The following RFFL variants were observed in gnomAD, a reference collection of about 807,000 sequenced individuals.
RFFL encodes the protein E3 ubiquitin-protein ligase rififylin.
A neutral mutation model predicts 40.4 loss-of-function variants in RFFL; 16 were observed. The ratio of observed to expected loss-of-function variants is 0.40; its 90% CI spans 0.27 to 0.60. The LOEUF (loss-of-function observed/expected upper bound fraction) is 0.60. RFFL is among the 20% of genes least tolerant of loss of function. RFFL has a pLI of 0.47. For missense variants in RFFL, 367 were observed against 451.7 expected, an observed-to-expected ratio of 0.81 and a Z score of 1.70; for synonymous variants, 154 against 167.9, an observed-to-expected ratio of 0.92 and a Z score of 0.64.
chr17:35,052,468 A>G (rs2091237229), intron 1 of RFFL, among the ~76,000 whole-genome samples: 1 of 152,188 alleles, frequency 6.6e-6, no homozygotes, highest in Non-Finnish European at 1.5e-5. Flanking sequence ...AGTGACTGCT[A>G]ATGAGGAGAG....
intron 1 of RFFL, among the ~76,000 whole-genome samples, chr17:35,083,739 C>T (rs2091414787): frequency 6.6e-6 from 1 of 150,772 alleles, no homozygotes; most frequent in Non-Finnish European, 1.5e-5. Context: ...CAAGATCACA[C>T]CACTGCACTC....
Position 35,010,709 on chromosome 17 carries a change from A to T in RFFL, c.*1259T>A, listed in dbSNP as rs573655084. 4 of 149,264 alleles carry T rather than the reference A, an allele frequency of 2.7e-5. No homozygotes were observed. Among genetic ancestry groups the T allele is most frequent in the Non-Finnish European group, 5.9e-5 (4 of 67,780 alleles). The allele number at this position is 149,264 out of a possible 1,614,324, so 9.2% of individuals were successfully genotyped here. On this transcript the variant is annotated 3_prime_UTR_variant, in exon 7 of 7. Coordinates refer to ENST00000394597, the MANE Select transcript of RFFL (RefSeq NM_001017368.2). ...GGAGGTTGCAGTAAGCCAAGACTGT[A>T]CCACTGCACTCCAGCCTGGGCAACA...
chr17:35,076,418 T>C (rs1416143279), intron 1 of RFFL, among the ~76,000 whole-genome samples: 1 of 151,932 alleles, frequency 6.6e-6, no homozygotes, highest in Non-Finnish European at 1.5e-5. Context: ...TGGTGATTCA[T>C]GCCTATAATT....
At chr17:35,031,596 G>A (rs1319170708) in intron 1 of RFFL, among the ~76,000 whole-genome samples, 1 of 151,876 alleles carries the variant, frequency 6.6e-6, no homozygotes, top group Non-Finnish European at 1.5e-5. Flanking sequence ...GTGCTTTAAC[G>A]GAGGTTTGCA....
chr17:35,012,562 G>A (rs1396392700), intron 6 of RFFL, among the ~76,000 whole-genome samples: 2 of 152,218 alleles, frequency 1.3e-5, no homozygotes, highest in Non-Finnish European at 2.9e-5. Context: ...AACTGGTTCA[G>A]AAAAGTTTAG....
intron 1 of RFFL, among the ~76,000 whole-genome samples, chr17:35,053,787 C>A (rs1021566531): frequency 6.6e-6 from 1 of 152,186 alleles, no homozygotes; most frequent in Non-Finnish European, 1.5e-5. Flanking sequence ...GCTCACCAAG[C>A]AAGCTTGATA....
intron 1 of RFFL, among the ~76,000 whole-genome samples, chr17:35,035,892 G>A (rs2091118803): frequency 6.6e-6 from 1 of 151,656 alleles, no homozygotes; most frequent in African/African-American, 2.4e-5. Flanking sequence ...TAGTAGAGAC[G>A]GGGTTTCACC....
chr17:35,076,749 ACAT>A (rs1326941430), intron 1 of RFFL: 1 of 156,638 alleles, frequency 6.4e-6, no homozygotes, highest in African/African-American at 2.4e-5. Flanking sequence ...GATGAAGGGA[ACAT>A]CATCGTTTGG....
At position 35,080,576 on chromosome 17, in the gene RFFL, A is replaced by T. The variant is rs74343523; in HGVS notation, c.-9+8529T>A. Among the ~76,000 whole-genome samples, 972 of 152,288 alleles carry T rather than the reference A, an allele frequency of 6.4e-3. 11 individuals are homozygous for T. The highest frequency in any genetic ancestry group is 0.022 in the African/African-American group (919 of 41,548). On this transcript the variant is annotated intron_variant, in intron 1 of 6. Transcript: ENST00000315249. Reference sequence around the variant, plus strand: ...TTAAGAAAAGCTTTTTTTCCTTTCAAATCTTTTAACATAATCCACCAGCAG... The same window carrying T: ...TTAAGAAAAGCTTTTTTTCCTTTCATATCTTTTAACATAATCCACCAGCAG...
intron 1 of RFFL, among the ~76,000 whole-genome samples, chr17:35,038,467 T>C (rs1041401741): frequency 7.9e-5 from 12 of 152,082 alleles, no homozygotes; most frequent in Non-Finnish European, 1.8e-4. Flanking sequence ...CCAACAGAAA[T>C]ACATTCACCC....
intron 1 of RFFL, among the ~76,000 whole-genome samples, chr17:35,058,169 GATCT>G (rs2091271113): frequency 6.6e-6 from 1 of 151,880 alleles, no homozygotes; most frequent in Non-Finnish European, 1.5e-5. Context: ...GGAGAGATGA[GATCT>G]ATCTCAATGT....
chr17:35,037,112 T>C (rs889928633), intron 1 of RFFL, among the ~76,000 whole-genome samples: 11 of 152,214 alleles, frequency 7.2e-5, no homozygotes, highest in African/African-American at 2.7e-4. Context: ...TGGTGCACCA[T>C]TGTATAAAAG....
Position 35,016,453 on chromosome 17 carries a change from T to C in RFFL, c.803A>G (p.Asn268Ser), listed in dbSNP as rs778572040. The C allele has an allele frequency of 2.5e-6, 4 of 1,614,202 alleles. No homozygotes were observed. Among genetic ancestry groups the C allele is most frequent in the African/African-American group, 2.7e-5 (2 of 75,064 alleles). The stretch of plus-strand genomic sequence containing the variant: ...CCACTTCTCACAGCAGCCCTTGTAG[T>C]TGACAAAGTTGCGAGCCAAGATCTC... Reference protein sequence around the residue: ...LKEILARNFVNYKGCCEKWEL... With the variant: ...LKEILARNFVSYKGCCEKWEL... The change falls in exon 5 of 7, where the codon AAC becomes AGC. Residue 268 changes from asparagine to serine, a missense_variant. Coordinates refer to ENST00000394597, the MANE Select transcript of RFFL (RefSeq NM_001017368.2).
At chr17:35,086,248 G>A (rs2091428423) in intron 1 of RFFL, among the ~76,000 whole-genome samples, 1 of 152,074 alleles carries the variant, frequency 6.6e-6, no homozygotes, top group Admixed American at 6.6e-5. Context: ...ACTTTGGGAG[G>A]CCGAGGCCAG....
intron 1 of RFFL, among the ~76,000 whole-genome samples, chr17:35,040,485 C>T (rs2091156624): frequency 1.3e-5 from 2 of 151,798 alleles, no homozygotes; most frequent in Admixed American, 6.6e-5. Context: ...CACCTATAGT[C>T]CCAGCCACTT....
At chr17:35,088,039 T>C (rs563458738) in intron 1 of RFFL, among the ~76,000 whole-genome samples, 9 of 152,232 alleles carry the variant, frequency 5.9e-5, no homozygotes, top group African/African-American at 1.2e-4. Flanking sequence ...TTTCAGTAAA[T>C]TGAACTGTCA....
chr17:35,035,862 C>T (rs1269149186), intron 1 of RFFL, among the ~76,000 whole-genome samples: 5 of 152,068 alleles, frequency 3.3e-5, no homozygotes, highest in Admixed American at 6.6e-5. Context: ...CATCACTACA[C>T]CTGGCTAATT....
chr17:35,055,680 A>G lies in RFFL; in HGVS notation c.-9+7896T>C, dbSNP rs564825707. ...GAGCAAAACTCCATCTCAAAAAAAA[A>G]CAAACAAACAAACAAACAAAAAAAA... On this transcript the variant is annotated intron_variant, in intron 1 of 6. Coordinates refer to ENST00000394597, the MANE Select transcript of RFFL (RefSeq NM_001017368.2). Among the ~76,000 whole-genome samples, 968 of 146,250 alleles carry G rather than the reference A, an allele frequency of 6.6e-3. 43 individuals carry two copies. Among genetic ancestry groups the G allele is most frequent in the African/African-American group, 0.024 (925 of 38,196 alleles).
intron 1 of RFFL, among the ~76,000 whole-genome samples, chr17:35,063,077 G>T (rs1452315005): frequency 6.6e-6 from 1 of 152,130 alleles, no homozygotes; most frequent in Non-Finnish European, 1.5e-5. Context: ...GACGGATAAA[G>T]CTGTAAACCT....
Sources: allele counts gnomAD v4.1 joint callset (sites outside exome capture counted in the v4.1 genomes callset), GRCh38; gene constraint gnomAD v4.1.1; transcripts MANE v1.5; gene names NCBI Gene and HGNC (gene_info 2026-07-23, HGNC 2026-07-21).